MDFIC2: variants seen among roughly 807,000 people sequenced by gnomAD.
MDFIC2 encodes the protein MyoD family inhibitor domain containing 2.
chr3:70,198,436 A>T (rs1701202740), intron 3 of MDFIC2, among the ~76,000 whole-genome samples: 1 of 152,178 alleles, frequency 6.6e-6, no homozygotes. Flanking sequence ...TTATTCATAT[A>T]ATAGTCTTTA....
At chr3:70,234,181 T>A (rs940795683) in intron 2 of MDFIC2, among the ~76,000 whole-genome samples, 1 of 152,172 alleles carries the variant, frequency 6.6e-6, no homozygotes, top group Non-Finnish European at 1.5e-5. Flanking sequence ...TAGGATTGGG[T>A]ATGAGACAAT....
intron 2 of MDFIC2, among the ~76,000 whole-genome samples, chr3:70,240,019 T>G (rs141987979): frequency 7.6e-4 from 115 of 152,248 alleles, no homozygotes; most frequent in Middle Eastern, 3.4e-3. Context: ...TGATGAGAAG[T>G]AAAAATAGGT....
chr3:70,280,792 T>A (rs893788389), intron 2 of MDFIC2, among the ~76,000 whole-genome samples: 3 of 152,124 alleles, frequency 2.0e-5, no homozygotes, highest in Non-Finnish European at 2.9e-5. Flanking sequence ...CTGACCTAAC[T>A]TGTTTGACTG....
At chr3:70,202,830 C>T (rs1185181366) in intron 3 of MDFIC2, among the ~76,000 whole-genome samples, 2 of 152,198 alleles carry the variant, frequency 1.3e-5, no homozygotes, top group African/African-American at 4.8e-5. Context: ...CAACTGGGGA[C>T]TGGCTAATTA....
chr3:70,295,390 T>C (rs115227239), intron 2 of MDFIC2, among the ~76,000 whole-genome samples: 1 of 152,154 alleles, frequency 6.6e-6, no homozygotes, highest in Non-Finnish European at 1.5e-5. Context: ...TTTGACTGAA[T>C]TATTCCCAAA....
At chr3:70,246,339 G>A (rs1462810205) in intron 2 of MDFIC2, among the ~76,000 whole-genome samples, 1 of 152,060 alleles carries the variant, frequency 6.6e-6, no homozygotes, top group African/African-American at 2.4e-5. Flanking sequence ...GAAAGAAACT[G>A]TCTAAGTCTA....
chr3:70,263,005 A>G (rs1044053084), intron 2 of MDFIC2, among the ~76,000 whole-genome samples: 1 of 152,148 alleles, frequency 6.6e-6, no homozygotes, highest in Non-Finnish European at 1.5e-5. Flanking sequence ...TTTTAATTTT[A>G]GGTATTGCAT....
At chr3:70,286,258 G>A (rs867892983) in intron 2 of MDFIC2, among the ~76,000 whole-genome samples, 1 of 152,178 alleles carries the variant, frequency 6.6e-6, no homozygotes, top group African/African-American at 2.4e-5. Flanking sequence ...AAGGGATCCA[G>A]TTTCAGCTTT....
chr3:70,242,482 G>T (rs1315545410), intron 2 of MDFIC2, among the ~76,000 whole-genome samples: 2 of 152,132 alleles, frequency 1.3e-5, no homozygotes, highest in Non-Finnish European at 2.9e-5. Context: ...CAGTTACTTG[G>T]ACAAGCATGA....
At chr3:70,204,993 T>C (rs1027002954) in intron 3 of MDFIC2, 1 of 152,150 alleles carries the variant, frequency 6.6e-6, no homozygotes, top group Admixed American at 6.6e-5. Flanking sequence ...ACCTGTTTTC[T>C]TGACTGGCAT....
At chr3:70,205,333 T>G (rs1229252713) in intron 3 of MDFIC2, 1 of 152,084 alleles carries the variant, frequency 6.6e-6, no homozygotes, top group East Asian at 1.9e-4. Flanking sequence ...CCCTGTTGTT[T>G]ACTTCCAGCC....
chr3:70,255,346 A>T (rs879717786), intron 2 of MDFIC2, among the ~76,000 whole-genome samples: 4 of 152,250 alleles, frequency 2.6e-5, no homozygotes, highest in Non-Finnish European at 5.9e-5. Context: ...AAAGGACCAA[A>T]GAAGAGGCTT....
At chr3:70,218,085 C>A (rs1268934125) in intron 2 of MDFIC2, among the ~76,000 whole-genome samples, 1 of 152,130 alleles carries the variant, frequency 6.6e-6, no homozygotes, top group Non-Finnish European at 1.5e-5. Flanking sequence ...ACTATGGAAT[C>A]TATCAAAAGG....
chr3:70,286,044 C>A (rs1371148857), intron 2 of MDFIC2, among the ~76,000 whole-genome samples: 1 of 152,026 alleles, frequency 6.6e-6, no homozygotes, highest in Admixed American at 6.6e-5. Flanking sequence ...TTTTGCTGTG[C>A]AGAAGCTCTT....
intron 2 of MDFIC2, among the ~76,000 whole-genome samples, chr3:70,285,941 G>A (rs1702157796): frequency 6.6e-6 from 1 of 151,242 alleles, no homozygotes; most frequent in Non-Finnish European, 1.5e-5. Flanking sequence ...TGAGTTCATT[G>A]TAGATTCTGG....
intron 2 of MDFIC2, among the ~76,000 whole-genome samples, chr3:70,307,922 C>T (rs1353240794): frequency 6.6e-6 from 1 of 152,240 alleles, no homozygotes; most frequent in African/African-American, 2.4e-5. Flanking sequence ...CTTCCAGCCT[C>T]TGATGCCTTT....
chr3:70,259,011 G>T, intron 2 of MDFIC2, among the ~76,000 whole-genome samples: 1 of 152,044 alleles, frequency 6.6e-6, no homozygotes, highest in East Asian at 1.9e-4. Context: ...ATATAATAAA[G>T]GTACTCAAGT....
intron 2 of MDFIC2, among the ~76,000 whole-genome samples, chr3:70,236,831 A>G (rs944533230): frequency 6.6e-6 from 1 of 152,192 alleles, no homozygotes; most frequent in African/African-American, 2.4e-5. Flanking sequence ...CCTGGCCTCA[A>G]GTGATTCTCC....
chr3:70,310,447 C>A (rs926664436), intron 2 of MDFIC2, among the ~76,000 whole-genome samples: 1 of 150,972 alleles, frequency 6.6e-6, no homozygotes, highest in Non-Finnish European at 1.5e-5. Flanking sequence ...CTCACTGCAA[C>A]CTCTGCCTCC....
Sources: allele counts gnomAD v4.1 joint callset (sites outside exome capture counted in the v4.1 genomes callset), GRCh38; gene constraint gnomAD v4.1.1; transcripts MANE v1.5; gene names NCBI Gene and HGNC (gene_info 2026-07-23, HGNC 2026-07-21).